The following BICC1 variants were observed in gnomAD, a reference collection of about 807,000 sequenced individuals.
The protein encoded by BICC1 is BicC family RNA binding protein 1, also known as protein bicaudal C homolog 1.
A neutral mutation model predicts 111.0 loss-of-function variants in BICC1; 43 were observed. The observed-to-expected ratio is 0.39, with a 90% CI of 0.30 to 0.50. The LOEUF (loss-of-function observed/expected upper bound fraction) is 0.50. BICC1 is among the 20% of genes least tolerant of loss of function. The pLI is 0.88. For missense variants in BICC1, 1,091 were observed against 1,203.2 expected (o/e 0.91, Z 1.38); for synonymous variants, 467 against 434.4 (o/e 1.07, Z -0.93).
chr10:58,699,966 A>G (rs536980484), intron 2 of BICC1, among the ~76,000 whole-genome samples: 2 of 152,374 alleles, frequency 1.3e-5, no homozygotes, highest in Admixed American at 1.3e-4. Flanking sequence ...TGCTGGGATT[A>G]TAGGCATGAG....
intron 1 of BICC1, among the ~76,000 whole-genome samples, chr10:58,594,403 C>T (rs996949810): frequency 6.6e-6 from 1 of 152,076 alleles, no homozygotes; most frequent in African/African-American, 2.4e-5. Context: ...TTGAGAAGAG[C>T]AACCCTAAGA....
At chr10:58,599,413 C>T (rs943257315) in intron 1 of BICC1, among the ~76,000 whole-genome samples, 1 of 152,086 alleles carries the variant, frequency 6.6e-6, no homozygotes, top group African/African-American at 2.4e-5. Flanking sequence ...GAAAACTAAA[C>T]ACTGCATGTT....
At chr10:58,534,248 G>C (rs542047162) in intron 1 of BICC1, among the ~76,000 whole-genome samples, 1 of 151,822 alleles carries the variant, frequency 6.6e-6, no homozygotes, top group East Asian at 1.9e-4. Flanking sequence ...AGACAAAGTA[G>C]TGTGTAGAAA....
chr10:58,734,176 AGGGTG>A (rs1418736013), intron 3 of BICC1, among the ~76,000 whole-genome samples: 3 of 152,166 alleles, frequency 2.0e-5, no homozygotes, highest in Admixed American at 6.5e-5. Flanking sequence ...CACCTAGTGG[AGGGTG>A]AGCACCCCCT....
chr10:58,634,284 G>A (rs1366302453), intron 2 of BICC1, among the ~76,000 whole-genome samples: 1 of 152,072 alleles, frequency 6.6e-6, no homozygotes, highest in Non-Finnish European at 1.5e-5. Flanking sequence ...GAGCCACCAC[G>A]CCTGGCCTAG....
chr10:58,672,088 C>T (rs1477538443), intron 2 of BICC1, among the ~76,000 whole-genome samples: 1 of 152,134 alleles, frequency 6.6e-6, no homozygotes, highest in Non-Finnish European at 1.5e-5. Flanking sequence ...GTAGCATATA[C>T]ATAACATGAA....
chr10:58,706,158 AG>A (rs1390883711), intron 3 of BICC1, among the ~76,000 whole-genome samples: 3 of 152,338 alleles, frequency 2.0e-5, no homozygotes, highest in African/African-American at 7.2e-5. Flanking sequence ...TTAGGGATTA[AG>A]GTGTTTAATA....
At chr10:58,802,991 C>T in intron 14 of BICC1, 86 bp from the exon 15 acceptor site, 1 of 1,276,880 alleles carries the variant, frequency 7.8e-7, no homozygotes, top group Non-Finnish European at 1.1e-6. Flanking sequence ...TGATGATAAA[C>T]ATGCATAGTA....
intron 2 of BICC1, among the ~76,000 whole-genome samples, chr10:58,683,240 A>C (rs575231639): frequency 1.1e-3 from 169 of 152,258 alleles, no homozygotes; most frequent in African/African-American, 3.9e-3. Flanking sequence ...CCATTGGTCT[A>C]TATCTCTGTT....
chr10:58,593,142 G>C (rs1419183605), intron 1 of BICC1, among the ~76,000 whole-genome samples: 1 of 152,106 alleles, frequency 6.6e-6, no homozygotes, highest in African/African-American at 2.4e-5. Context: ...AGTTCGAACT[G>C]GGTGGAGCCC....
intron 1 of BICC1, among the ~76,000 whole-genome samples, chr10:58,556,330 A>G (rs1370957785): frequency 1.3e-5 from 2 of 152,160 alleles, no homozygotes; most frequent in East Asian, 1.9e-4. Context: ...CTTGCATCGA[A>G]GCATTTTATG....
At chr10:58,812,482 CT>C (rs113293082) in intron 17 of BICC1, among the ~76,000 whole-genome samples, 2,729 of 141,958 alleles carry the variant, frequency 0.019, 71 homozygotes, top group African/African-American at 0.06. Flanking sequence ...CTTTTCTTTT[CT>C]TTTTTTTTTT....
At chr10:58,746,778 A>T (rs185489680) in intron 3 of BICC1, among the ~76,000 whole-genome samples, 1 of 152,298 alleles carries the variant, frequency 6.6e-6, no homozygotes, top group African/African-American at 2.4e-5. Flanking sequence ...TGCATATAAC[A>T]AAAAGGGAAT....
At chr10:58,730,081 G>T (rs910566286) in intron 3 of BICC1, among the ~76,000 whole-genome samples, 1 of 152,124 alleles carries the variant, frequency 6.6e-6, no homozygotes, top group African/African-American at 2.4e-5. Context: ...TTGAGACAAG[G>T]CAAGTCCCTT....
At chr10:58,588,457 T>C (rs1844499087) in intron 1 of BICC1, among the ~76,000 whole-genome samples, 1 of 152,226 alleles carries the variant, frequency 6.6e-6, no homozygotes. Flanking sequence ...ATGTGAAGGT[T>C]GAAACTGTGT....
intron 2 of BICC1, among the ~76,000 whole-genome samples, chr10:58,631,310 A>C (rs1246276918): frequency 6.6e-6 from 1 of 152,132 alleles, no homozygotes; most frequent in East Asian, 1.9e-4. Context: ...TAGATGTATT[A>C]AATATCCTAG....
chr10:58,528,794 A>G (rs1842609957), intron 1 of BICC1, among the ~76,000 whole-genome samples: 1 of 151,940 alleles, frequency 6.6e-6, no homozygotes, highest in Non-Finnish European at 1.5e-5. Flanking sequence ...GGTCTTCTGC[A>G]CAGTAAACAA....
rs1163026692 is a variant in BICC1 at position 58,732,379 on chromosome 10, GTATATATATATATATATA to G, written c.307+30281_307+30298del. 6.1e-3 allele frequency among the ~76,000 whole-genome samples: 459 copies of G among 75,654 alleles called. 26 individuals are homozygous for G. The highest frequency in any genetic ancestry group is 0.017 in the African/African-American group (231 of 13,906). 49.6% of individuals were successfully genotyped at this position (75,654 alleles called of 152,430 possible). A position where few individuals can be genotyped will look rare whatever the true frequency, so the allele number is the denominator to read the frequency against. ...TGTGTGTGTGTGTGTGTGTGTGTAT[GTATATATATATATATATA>G]TATATATATATATATATATATATAT... On this transcript the variant is annotated intron_variant, in intron 3 of 20. Coordinates refer to ENST00000373886, the MANE Select transcript of BICC1 (RefSeq NM_001080512.3).
rs370590399 is a variant in BICC1 at position 58,723,205 on chromosome 10, A to G, written c.307+21062A>G. Among the ~76,000 whole-genome samples, 82 of 152,310 alleles carry G rather than the reference A, an allele frequency of 5.4e-4. 1 individual carries two copies. Among genetic ancestry groups the G allele is most frequent in the African/African-American group, 1.8e-3 (74 of 41,574 alleles). ...ACATATTTTCCTGAGTTTGGGAAGA[A>G]GGGAGTGAGACAAATAAAAATTATA... On this transcript the variant is annotated intron_variant, in intron 3 of 20. Transcript: ENST00000373886.
Sources: gnomAD v4.1 joint callset for allele counts (sites outside exome capture counted in the v4.1 genomes callset) on GRCh38, gnomAD v4.1.1 for gene constraint, MANE v1.5 for transcripts, NCBI Gene and HGNC (gene_info 2026-07-23, HGNC 2026-07-21) for gene names.